The following FAF1 variants were observed in gnomAD, a reference collection of about 807,000 sequenced individuals.
FAF1 encodes the protein Fas associated factor 1.
Under a neutral mutation model 92.5 loss-of-function variants are expected in FAF1, and 25 were observed. The ratio of observed to expected loss-of-function variants is 0.27; its 90% confidence interval spans 0.20 to 0.38. FAF1 has a LOEUF of 0.38. Among genes scored for constraint, FAF1 ranks in the 10% least tolerant of loss-of-function variants. The pLI is 1.00. For missense variants in FAF1, 636 were observed against 793.3 expected (o/e 0.80, Z 2.38); for synonymous variants, 234 against 273.2 (o/e 0.86, Z 1.42).
At chr1:50,666,607 G>A (rs554011124) in intron 7 of FAF1, among the ~76,000 whole-genome samples, 6 of 152,178 alleles carry the variant, frequency 3.9e-5, no homozygotes, top group Admixed American at 1.3e-4. Context: ...AGTGGGTGGG[G>A]TGCAGTGGCT....
At chr1:50,842,423 C>A (rs1644263353) in intron 2 of FAF1, among the ~76,000 whole-genome samples, 1 of 152,062 alleles carries the variant, frequency 6.6e-6, no homozygotes, top group Admixed American at 6.6e-5. Context: ...TTAGATCATT[C>A]TTAAGCATAT....
chr1:50,928,203 C>A (rs1289811784), intron 1 of FAF1, among the ~76,000 whole-genome samples: 1 of 151,956 alleles, frequency 6.6e-6, no homozygotes, highest in South Asian at 2.1e-4. Flanking sequence ...GGCACACAGA[C>A]GACAATTTTT....
At chr1:50,849,678 A>T (rs1390114158) in intron 2 of FAF1, among the ~76,000 whole-genome samples, 1 of 152,146 alleles carries the variant, frequency 6.6e-6, no homozygotes, top group Non-Finnish European at 1.5e-5. Flanking sequence ...ATAGACTACT[A>T]ACCTCTAGAA....
At chr1:50,934,670 G>A (rs765414058) in intron 1 of FAF1, among the ~76,000 whole-genome samples, 1 of 152,296 alleles carries the variant, frequency 6.6e-6, no homozygotes, top group East Asian at 1.9e-4. Flanking sequence ...GCTGCAATAA[G>A]CCATGTTCAC....
intron 1 of FAF1, among the ~76,000 whole-genome samples, chr1:50,911,120 T>G (rs1644882275): frequency 6.6e-6 from 1 of 152,014 alleles, no homozygotes; most frequent in African/African-American, 2.4e-5. Flanking sequence ...TCACTCATGC[T>G]GGAGTGCAGT....
intron 1 of FAF1, among the ~76,000 whole-genome samples, chr1:50,924,945 T>C (rs939116228): frequency 2.0e-5 from 3 of 152,226 alleles, no homozygotes; most frequent in Non-Finnish European, 2.9e-5. Context: ...ATCGTGCCAT[T>C]GCACTCCAGC....
chr1:50,925,981 T>G (rs756667956), intron 1 of FAF1, among the ~76,000 whole-genome samples: 3 of 152,166 alleles, frequency 2.0e-5, no homozygotes, highest in Non-Finnish European at 4.4e-5. Flanking sequence ...TTTGGGAGGC[T>G]GAGGCAGGAG....
At chr1:50,576,260 A>G (rs535218377) in intron 12 of FAF1, among the ~76,000 whole-genome samples, 2 of 152,302 alleles carry the variant, frequency 1.3e-5, no homozygotes, top group South Asian at 4.1e-4. Flanking sequence ...TGTTTTTTCC[A>G]TATTAGACAT....
chr1:50,930,704 G>A (rs563271620), intron 1 of FAF1, among the ~76,000 whole-genome samples: 39 of 152,190 alleles, frequency 2.6e-4, no homozygotes, highest in African/African-American at 8.9e-4. Context: ...GCATGGTGGC[G>A]GGTGCCTGTA....
intron 6 of FAF1, among the ~76,000 whole-genome samples, chr1:50,716,470 C>T (rs181199474): frequency 6.6e-6 from 1 of 152,132 alleles, no homozygotes; most frequent in Non-Finnish European, 1.5e-5. Flanking sequence ...CTTCCTGGGT[C>T]GAGTGGGGAC....
intron 4 of FAF1, among the ~76,000 whole-genome samples, chr1:50,784,702 A>G (rs1489785762): frequency 6.6e-6 from 1 of 152,186 alleles, no homozygotes; most frequent in Non-Finnish European, 1.5e-5. Flanking sequence ...TATCATAAGT[A>G]ACCACAAGGA....
At chr1:50,947,822 A>T (rs1256153601) in intron 1 of FAF1, among the ~76,000 whole-genome samples, 2 of 152,224 alleles carry the variant, frequency 1.3e-5, no homozygotes, top group African/African-American at 4.8e-5. Flanking sequence ...TTTATTATTC[A>T]AAATCATGTC....
intron 12 of FAF1, among the ~76,000 whole-genome samples, chr1:50,576,633 GCC>G (rs59182122): frequency 1.4e-4 from 18 of 131,846 alleles, no homozygotes; most frequent in African/African-American, 5.5e-5. Context: ...TCTCCGCACC[GCC>G]CCCCCCCCGC....
intron 3 of FAF1, among the ~76,000 whole-genome samples, chr1:50,789,568 C>A (rs1470063863): frequency 6.6e-6 from 1 of 152,130 alleles, no homozygotes; most frequent in Non-Finnish European, 1.5e-5. Context: ...CACCTTTACC[C>A]TCTGATGCTG....
intron 15 of FAF1, among the ~76,000 whole-genome samples, chr1:50,524,163 A>G (rs1329043743): frequency 1.2e-4 from 18 of 151,378 alleles, no homozygotes; most frequent in Admixed American, 1.2e-3. Flanking sequence ...TGTGATTTTT[A>G]TTCATATAAT....
intron 1 of FAF1, among the ~76,000 whole-genome samples, chr1:50,859,707 C>T (rs1243786448): frequency 6.6e-6 from 1 of 151,870 alleles, no homozygotes. Context: ...CAATGCTATT[C>T]CTATCAAACT....
At chr1:50,893,567 T>C (rs906533032) in intron 1 of FAF1, among the ~76,000 whole-genome samples, 1 of 152,184 alleles carries the variant, frequency 6.6e-6, no homozygotes, top group Non-Finnish European at 1.5e-5. Context: ...TGTACTGAGT[T>C]GCTTGGAGCT....
At chr1:50,726,830 A>C (rs901115208) in intron 6 of FAF1, among the ~76,000 whole-genome samples, 1 of 152,222 alleles carries the variant, frequency 6.6e-6, no homozygotes, top group Non-Finnish European at 1.5e-5. Context: ...CTCTGTCTCA[A>C]AAAAGAAAGA....
At chr1:50,641,928 C>T (rs751545760) in intron 8 of FAF1, among the ~76,000 whole-genome samples, 8 of 151,948 alleles carry the variant, frequency 5.3e-5, no homozygotes, top group South Asian at 2.1e-4. Flanking sequence ...TCTGGCCAGG[C>T]GCGGGGGCTC....
Sources: gnomAD v4.1 joint callset for allele counts (sites outside exome capture counted in the v4.1 genomes callset) on GRCh38, gnomAD v4.1.1 for gene constraint, MANE v1.5 for transcripts, NCBI Gene and HGNC (gene_info 2026-07-23, HGNC 2026-07-21) for gene names.